Variants in STAB2 observed in about 807,000 individuals in gnomAD.
The protein encoded by STAB2 is stabilin 2.
In STAB2, 288 loss-of-function variants were observed where a neutral mutation model predicts 338.1. The observed-to-expected ratio is 0.85, with a 90% CI of 0.77 to 0.94. STAB2 has a LOEUF of 0.94. Ranked by LOEUF, STAB2 falls within the 40% of genes least tolerant of loss-of-function variation. STAB2 has a pLI of 0.00. For missense variants in STAB2, 3,141 were observed against 3,210.1 expected (o/e 0.98, Z 0.52); for synonymous variants, 1,202 against 1,193.3 (o/e 1.01, Z -0.15).
chr12:103,705,683 A>G lies in STAB2; in HGVS notation c.3952A>G (p.Thr1318Ala). The G allele has an allele frequency of 6.2e-7, 1 of 1,614,126 alleles. No homozygotes were observed. Among genetic ancestry groups the G allele is most frequent in the Non-Finnish European group, 8.5e-7 (1 of 1,180,014 alleles). ...TACCTCCTATTTCATGGGAAGACGA[A>G]CCCTGTTTATTGGGTGCCAGCCAAA... ...IYTSYFMGRR[T>A]LFIGCQPKCV... Residue 1318 changes from threonine to alanine, a missense_variant, in exon 37 of 69, where the codon ACC (threonine) becomes GCC (alanine). Coordinates refer to ENST00000388887, the MANE Select transcript of STAB2 (RefSeq NM_017564.10).
At chr12:103,723,788 G>T (rs1368477069) in intron 44 of STAB2, among the ~76,000 whole-genome samples, 1 of 152,140 alleles carries the variant, frequency 6.6e-6, no homozygotes, top group East Asian at 1.9e-4. Flanking sequence ...GGGTTCGAGG[G>T]GACTGAGTGG....
chr12:103,655,936 C>T (rs1874148104), intron 15 of STAB2, among the ~76,000 whole-genome samples: 1 of 152,174 alleles, frequency 6.6e-6, no homozygotes, highest in South Asian at 2.1e-4. Context: ...TCTAAAATCA[C>T]CTAGAGAATG....
At chr12:103,632,346 G>C (rs1957476885) in intron 6 of STAB2, among the ~76,000 whole-genome samples, 1 of 152,214 alleles carries the variant, frequency 6.6e-6, no homozygotes, top group Non-Finnish European at 1.5e-5. Flanking sequence ...GCATAACAAA[G>C]GAAGGAGAAA....
chr12:103,675,370 G>T (rs1393647448), intron 23 of STAB2, among the ~76,000 whole-genome samples: 1 of 152,160 alleles, frequency 6.6e-6, no homozygotes, highest in Admixed American at 6.5e-5. Context: ...GGTGTTGGGG[G>T]AAAAAACCTC....
intron 60 of STAB2, among the ~76,000 whole-genome samples, chr12:103,752,481 CTAT>C (rs1435933719): frequency 6.6e-6 from 1 of 152,162 alleles, no homozygotes; most frequent in African/African-American, 2.4e-5. Flanking sequence ...GCTTCTTGAA[CTAT>C]TGCTGGTGTC....
chr12:103,749,237 G>A, intron 59 of STAB2, 81 bp downstream of exon 59: 1 of 1,408,904 alleles, frequency 7.1e-7, no homozygotes, highest in Admixed American at 2.5e-5. Flanking sequence ...CCCATACTCT[G>A]CTTATCTCCT....
intron 42 of STAB2, among the ~76,000 whole-genome samples, chr12:103,715,573 A>T (rs984912223): frequency 2.0e-5 from 3 of 152,192 alleles, no homozygotes; most frequent in Non-Finnish European, 4.4e-5. Context: ...CCACGGACTG[A>T]TTTAAGCCAG....
Position 103,635,383 on chromosome 12 carries a change from C to G in STAB2, c.584-1728C>G, listed in dbSNP as rs149081356. 6.2e-3 allele frequency among the ~76,000 whole-genome samples: 950 copies of G among 152,282 alleles called. 9 individuals carry two copies. Among genetic ancestry groups the G allele is most frequent in the African/African-American group, 0.022 (894 of 41,550 alleles). ...AGAGGAGGAAGCCGGGGCTCTCTCCCTGTTTCTGGTTTGACTCACTCACCA... is the reference window on the plus strand; with the variant it reads ...AGAGGAGGAAGCCGGGGCTCTCTCCGTGTTTCTGGTTTGACTCACTCACCA... On this transcript the variant is annotated intron_variant, in intron 6 of 68. Transcript: ENST00000388887.
intron 68 of STAB2, 107 bp from the exon 69 acceptor site, chr12:103,766,179 C>T (rs755072703): frequency 1.4e-6 from 2 of 1,426,234 alleles, no homozygotes; most frequent in South Asian, 2.3e-5. Context: ...CATACGTGTT[C>T]ACAGTGCTCA....
rs149382223 is a variant in STAB2 at position 103,695,776 on chromosome 12, T to C, written c.3514T>C (p.Tyr1172His). The change falls in exon 33 of 69, where the codon TAC becomes CAC. Residue 1172 changes from tyrosine (Y) to histidine (H), a missense_variant. By Grantham distance (83) the Tyr-to-His change is moderately conservative. Coordinates refer to ENST00000388887, the MANE Select transcript of STAB2 (RefSeq NM_017564.10). ...LANAIEAADA[Y>H]TVFAPNNNAI... The stretch of plus-strand genomic sequence containing the variant: ...GAATGCAATTGAGGCTGCCGATGCC[T>C]ACACAGTGTTTGCTCCAAACAACAA... The C allele has an allele frequency of 1.4e-3, 2,333 of 1,614,224 alleles. 2 individuals carry two copies. Among genetic ancestry groups the C allele is most frequent in the Non-Finnish European group, 1.9e-3 (2,197 of 1,180,032 alleles).
At position 103,653,710 on chromosome 12, in the gene STAB2, A is replaced by AGATGGATGGATGGATG. The variant is rs61343465; in HGVS notation, c.1408-824_1408-809dup. 1.0e-3 allele frequency among the ~76,000 whole-genome samples: 128 copies of AGATGGATGGATGGATG among 123,114 alleles called. 4 individuals carry two copies. The highest frequency in any genetic ancestry group is 2.4e-3 in the South Asian group (8 of 3,382). 80.8% of individuals were successfully genotyped at this position (123,114 alleles called of 152,430 possible). On this transcript the variant is annotated intron_variant, in intron 12 of 68. Transcript: ENST00000388887. The stretch of plus-strand genomic sequence containing the variant: ...TGGATAGGTCACTGGATGGATGGAT[A>AGATGGATGGATGGATG]GATGGATGGATGGATGGATGGATGG...
intron 22 of STAB2, 113 bp downstream of exon 22, chr12:103,670,920 C>T (rs703639): frequency 0.16 from 130,038 of 788,436 alleles, 11,297 homozygotes; most frequent in East Asian, 0.22. Context: ...TGGGTTACAC[C>T]ATCATCACAG....
intron 44 of STAB2, among the ~76,000 whole-genome samples, chr12:103,723,519 G>A (rs926875519): frequency 6.6e-6 from 1 of 152,174 alleles, no homozygotes; most frequent in African/African-American, 2.4e-5. Flanking sequence ...GATTTGGGTG[G>A]GAACACAGGC....
At chr12:103,703,009 A>G (rs1879035963) in intron 34 of STAB2, 139 bp from the exon 35 acceptor site, 2 of 1,027,422 alleles carry the variant, frequency 1.9e-6, no homozygotes, top group Non-Finnish European at 2.7e-6. Flanking sequence ...AGCTCTTTCC[A>G]ATACAAGTGA....
chr12:103,620,443 A>T, intron 3 of STAB2, 25 bp from the exon 4 acceptor site: 1 of 1,556,264 alleles, frequency 6.4e-7, no homozygotes, highest in Non-Finnish European at 8.7e-7. Context: ...ACGAATGAAT[A>T]CATCTGAGCT....
chr12:103,741,358 T>C (rs1016373337), intron 55 of STAB2, among the ~76,000 whole-genome samples: 1 of 152,140 alleles, frequency 6.6e-6, no homozygotes, highest in Non-Finnish European at 1.5e-5. Context: ...AGTAGGCACA[T>C]TTATTGAGTT....
At position 103,765,440 on chromosome 12, in the gene STAB2, C is replaced by G. The variant is rs1884869875; in HGVS notation, c.7606-846C>G. 3.3e-5 allele frequency among the ~76,000 whole-genome samples: 5 copies of G among 152,314 alleles called. No individual in the cohort carries two copies. The South Asian group carries it at 1.0e-3, about 32-fold the overall frequency. On this transcript the variant is annotated intron_variant, in intron 68 of 68. Coordinates refer to ENST00000388887, the MANE Select transcript of STAB2 (RefSeq NM_017564.10). The stretch of plus-strand genomic sequence containing the variant: ...GCCTTTGACACTATTTTTAGTGACT[C>G]CAGACACATTTACCACCACTAGTTT...
chr12:103,673,840 G>A, intron 22 of STAB2, 67 bp from the exon 23 acceptor site: 1 of 1,531,944 alleles, frequency 6.5e-7, no homozygotes, highest in Non-Finnish European at 8.9e-7. Flanking sequence ...GTCCTCCAGG[G>A]TGCTCTGCCT....
Position 103,661,266 on chromosome 12 carries a change from G to T in STAB2, c.1869+503G>T, listed in dbSNP as rs558039369. Reference sequence around the variant, plus strand: ...AGAGAGCATGTGCAAAGACCCTGAGGTCAGGGGAACACAATTCATTTTTAA... The same window carrying T: ...AGAGAGCATGTGCAAAGACCCTGAGTTCAGGGGAACACAATTCATTTTTAA... On this transcript the variant is annotated intron_variant, in intron 17 of 68. Transcript: ENST00000388887. 3.3e-5 allele frequency among the ~76,000 whole-genome samples: 5 copies of T among 150,794 alleles called. No homozygotes were observed. The East Asian group carries it at 7.8e-4, about 23-fold the overall frequency.
Sources: gnomAD v4.1 joint callset for allele counts (sites outside exome capture counted in the v4.1 genomes callset) on GRCh38, gnomAD v4.1.1 for gene constraint, MANE v1.5 for transcripts, NCBI Gene and HGNC (gene_info 2026-07-23, HGNC 2026-07-21) for gene names.